NRIP3: variants seen among roughly 807,000 people sequenced by gnomAD.
NRIP3 encodes nuclear receptor-interacting protein 3.
Under a neutral mutation model 29.0 loss-of-function variants are expected in NRIP3, and 31 were observed. The observed-to-expected ratio is 1.07, with a 90% CI of 0.80 to 1.44. NRIP3 has a LOEUF of 1.44. NRIP3 is among the 40% of genes most tolerant of loss of function. NRIP3 has a pLI of 0.00. For missense variants in NRIP3, 314 were observed against 297.9 expected (o/e 1.05, Z -0.40); for synonymous variants, 131 against 118.3 (o/e 1.11, Z -0.70).
At chr11:9,001,960 T>C (rs545554588) in intron 1 of NRIP3, among the ~76,000 whole-genome samples, 1 of 152,394 alleles carries the variant, frequency 6.6e-6, no homozygotes, top group South Asian at 2.1e-4. Flanking sequence ...AATATCCTGC[T>C]TCTTGAGGCT....
At chr11:8,985,640 A>G in intron 4 of NRIP3, 71 bp downstream of exon 4, 1 of 1,546,046 alleles carries the variant, frequency 6.5e-7, no homozygotes, top group South Asian at 1.2e-5. Flanking sequence ...ATGAGATGAC[A>G]TGAGGTTTTG....
chr11:8,983,865 G>GAATGAA lies in NRIP3; in HGVS notation c.710+9_710+10insTTCATT. The GAATGAA allele has an allele frequency of 6.2e-7, 1 of 1,609,146 alleles. No individual in the cohort carries two copies. ...GGATGTGACTTGATCTGACCCATTTGGGCACTCACTTGTCTTCATTCAAAG... is the reference window on the plus strand; with the variant it reads ...GGATGTGACTTGATCTGACCCATTTGAATGAAGGCACTCACTTGTCTTCATTCAAAG... On this transcript the variant is annotated intron_variant, in intron 6 of 6. Transcript: ENST00000309166.
At chr11:8,983,621 G>T in intron 6 of NRIP3, 61 bp from the exon 7 acceptor site, 1 of 1,540,496 alleles carries the variant, frequency 6.5e-7, no homozygotes, top group South Asian at 1.1e-5. Context: ...TTAAGCTGAA[G>T]GCAAGTAAAA....
At position 8,982,180 on chromosome 11, in the gene NRIP3, TA is replaced by T. The variant is rs1854425640; in HGVS notation, c.*1364del. The T allele has an allele frequency of 2.0e-5, 3 of 152,258 alleles. No individual in the cohort carries two copies. The highest frequency in any genetic ancestry group is 1.3e-4 in the Admixed American group (2 of 15,290). The allele number at this position is 152,258 out of a possible 1,614,324, so 9.4% of individuals were successfully genotyped here. ...ATTCCATTATAGACACCTGTGTGCCTAATGTGACACCCCAGTCAAAAAGCTT... is the reference window on the plus strand; with the variant it reads ...ATTCCATTATAGACACCTGTGTGCCTATGTGACACCCCAGTCAAAAAGCTT... On this transcript the variant is annotated 3_prime_UTR_variant, in exon 7 of 7. Coordinates refer to ENST00000309166, the MANE Select transcript of NRIP3 (RefSeq NM_020645.3).
At chr11:8,985,585 T>C in intron 4 of NRIP3, 126 bp downstream of exon 4, 1 of 1,229,850 alleles carries the variant, frequency 8.1e-7, no homozygotes, top group Non-Finnish European at 1.1e-6. Context: ...AGGTCTACAG[T>C]ACAAAAAAAT....
chr11:9,000,579 C>T (rs1854776316), intron 1 of NRIP3, among the ~76,000 whole-genome samples: 2 of 152,124 alleles, frequency 1.3e-5, no homozygotes. Flanking sequence ...AAGAATATGG[C>T]CTAATGCCTA....
intron 3 of NRIP3, among the ~76,000 whole-genome samples, chr11:8,986,134 G>A (rs1385288590): frequency 6.6e-6 from 1 of 152,196 alleles, no homozygotes; most frequent in Non-Finnish European, 1.5e-5. Flanking sequence ...ATCCTATTCT[G>A]TATCCTACTA....
intron 3 of NRIP3, among the ~76,000 whole-genome samples, chr11:8,986,736 G>A (rs1017926986): frequency 6.6e-6 from 1 of 152,132 alleles, no homozygotes; most frequent in Non-Finnish European, 1.5e-5. Flanking sequence ...CAAAAGCTCA[G>A]GGCTGGGTGC....
intron 4 of NRIP3, among the ~76,000 whole-genome samples, chr11:8,985,115 T>C (rs1453441769): frequency 1.3e-5 from 2 of 151,402 alleles, no homozygotes; most frequent in Non-Finnish European, 2.9e-5. Flanking sequence ...CCCCCCAAAG[T>C]GCTGGGATTA....
Position 8,980,866 on chromosome 11 carries a change from T to C in NRIP3, c.*2679A>G, listed in dbSNP as rs999769568. ...AAGAAAATAGAAAGAAGTCAGAAAA[T>C]GTTATTTTCCCGAGTCAGGCATGGA... On this transcript the variant is annotated 3_prime_UTR_variant, in exon 7 of 7. Coordinates refer to ENST00000309166, the MANE Select transcript of NRIP3 (RefSeq NM_020645.3). 1 of 152,124 alleles carries C rather than the reference T, an allele frequency of 6.6e-6. No individual in the cohort carries two copies. The highest frequency in any genetic ancestry group is 1.5e-5 in the Non-Finnish European group (1 of 68,026). 9.4% of individuals were successfully genotyped at this position (152,124 alleles called of 1,614,324 possible).
intron 1 of NRIP3, among the ~76,000 whole-genome samples, chr11:8,990,748 C>T (rs778421282): frequency 2.0e-5 from 3 of 152,114 alleles, no homozygotes; most frequent in Non-Finnish European, 4.4e-5. Context: ...GCCTAGATCG[C>T]ACCACTGCAC....
At chr11:8,986,486 C>T (rs1480641465) in intron 3 of NRIP3, among the ~76,000 whole-genome samples, 2 of 152,234 alleles carry the variant, frequency 1.3e-5, no homozygotes, top group East Asian at 1.9e-4. Context: ...AGCTAGCACC[C>T]GAGCTATTAT....
At chr11:9,002,268 G>A (rs542929467) in intron 1 of NRIP3, among the ~76,000 whole-genome samples, 1 of 152,182 alleles carries the variant, frequency 6.6e-6, no homozygotes, top group Admixed American at 6.5e-5. Context: ...TTGGCCTGAA[G>A]GAAAGAATAC....
At chr11:8,989,258 TTGAC>T (rs1307707815) in intron 1 of NRIP3, among the ~76,000 whole-genome samples, 2 of 152,200 alleles carry the variant, frequency 1.3e-5, no homozygotes, top group African/African-American at 4.8e-5. Flanking sequence ...AAGAAATCCT[TTGAC>T]TGGAGAAATT....
At chr11:8,991,913 C>T (rs2134918203) in intron 1 of NRIP3, among the ~76,000 whole-genome samples, 1 of 152,262 alleles carries the variant, frequency 6.6e-6, no homozygotes, top group South Asian at 2.1e-4. Context: ...ATATTCTTTT[C>T]CTCTTCTGAC....
chr11:9,003,833 A>G lies in NRIP3; in HGVS notation c.103T>C (p.Phe35Leu). ...QQRRMKQAVQFIHKDSADLLP... is the reference protein window; with the variant it reads ...QQRRMKQAVQLIHKDSADLLP... The stretch of plus-strand genomic sequence containing the variant: ...AGGTCGGCGGAGTCCTTGTGGATGA[A>G]CTGCACCGCCTGCTTCATCCGGCGC... Residue 35 changes from phenylalanine (F) to leucine (L), a missense_variant, in exon 1 of 7, where the codon TTC becomes CTC. Transcript: ENST00000309166. The G allele has an allele frequency of 7.2e-6, 11 of 1,521,382 alleles. No individual in the cohort carries two copies. Among genetic ancestry groups the G allele is most frequent in the Non-Finnish European group, 9.7e-6 (11 of 1,136,290 alleles). The allele number at this position is 1,521,382 out of a possible 1,614,324, so 94.2% of individuals were successfully genotyped here.
chr11:8,987,138 A>C (rs1854532762), intron 3 of NRIP3, among the ~76,000 whole-genome samples: 1 of 152,224 alleles, frequency 6.6e-6, no homozygotes, highest in Admixed American at 6.5e-5. Context: ...TGCATCCTCC[A>C]GAAAGACTCT....
rs1302190025 is a variant in NRIP3 at position 8,983,089 on chromosome 11, AAACTCT to A, written c.*450_*455del. 4.5e-6 allele frequency: 2 copies of A among 446,328 alleles called. No individual in the cohort carries two copies. The highest frequency in any genetic ancestry group is 4.0e-5 in the African/African-American group (2 of 49,384). 27.6% of individuals were successfully genotyped at this position (446,328 alleles called of 1,614,324 possible). On this transcript the variant is annotated 3_prime_UTR_variant, in exon 7 of 7. Transcript: ENST00000309166. ...GAGAAATCAATGAATCAATTTGAAGAAACTCTAATTCTAAGACATAGGTATCCTGGC... is the reference window on the plus strand; with the variant it reads ...GAGAAATCAATGAATCAATTTGAAGAAATTCTAAGACATAGGTATCCTGGC...
In NRIP3 at chr11:8,988,165, C is replaced by A; in HGVS notation, c.292G>T (p.Gly98Trp). Reference sequence around the variant, plus strand: ...TCATCCTCCTCAGACTTCTTTAGCCCCTCAGACTTAGCCTGATTGAGTTTG... The same window carrying A: ...TCATCCTCCTCAGACTTCTTTAGCCACTCAGACTTAGCCTGATTGAGTTTG... ...TNKLNQAKSE[G>W]LKKSEEDDMI... The change falls in exon 2 of 7, where the codon GGG (glycine) becomes TGG (tryptophan). Residue 98 changes from glycine to tryptophan, a missense_variant. By Grantham distance (184) the Gly-to-Trp change is radical. Transcript: ENST00000309166. 6.2e-7 allele frequency: 1 copy of A among 1,614,144 alleles called. No individual in the cohort carries two copies. The highest frequency in any genetic ancestry group is 2.2e-5 in the East Asian group (1 of 44,878).
Sources: gnomAD v4.1 joint callset for allele counts (sites outside exome capture counted in the v4.1 genomes callset) on GRCh38, gnomAD v4.1.1 for gene constraint, MANE v1.5 for transcripts, NCBI Gene and HGNC (gene_info 2026-07-23, HGNC 2026-07-21) for gene names.